Variants in LARS1 observed in about 807,000 individuals in gnomAD.
LARS1 encodes the protein leucine--tRNA ligase, cytoplasmic.
LARS1 carries 100 observed loss-of-function variants against 162.8 expected under a neutral mutation model. The observed-to-expected ratio is 0.61, with a 90% CI of 0.52 to 0.73. The LOEUF is 0.73. LARS1 is among the 30% of genes least tolerant of loss of function. LARS1 has a pLI of 0.00. For missense variants in LARS1, 1,258 were observed against 1,408.9 expected (o/e 0.89, Z 1.71); for synonymous variants, 457 against 462.8 (o/e 0.99, Z 0.16).
chr5:146,132,530 C>G (rs903055952), intron 23 of LARS1: 1 of 163,506 alleles, frequency 6.1e-6, no homozygotes, highest in Non-Finnish European at 1.3e-5. Flanking sequence ...AACAAGACAA[C>G]ATGGTAAAAT....
At chr5:146,124,805 C>T (rs543993454) in intron 28 of LARS1, among the ~76,000 whole-genome samples, 17 of 151,938 alleles carry the variant, frequency 1.1e-4, no homozygotes, top group African/African-American at 4.1e-4. Context: ...ATTTCTTTTT[C>T]TCATGGAAGT....
chr5:146,180,027 AT>A, intron 1 of LARS1, among the ~76,000 whole-genome samples: 2 of 152,350 alleles, frequency 1.3e-5, no homozygotes, highest in East Asian at 3.9e-4. Flanking sequence ...GAACTTTTAA[AT>A]TGTTTATAGT....
intron 1 of LARS1, 62 bp downstream of exon 1, chr5:146,182,426 G>C (rs1278369267): frequency 1.1e-5 from 17 of 1,604,196 alleles, no homozygotes; most frequent in Non-Finnish European, 1.5e-5. Flanking sequence ...CACATGGAGA[G>C]CCCCTAGAGA....
chr5:146,181,584 C>A (rs2126621471), intron 1 of LARS1, among the ~76,000 whole-genome samples: 1 of 151,780 alleles, frequency 6.6e-6, no homozygotes, highest in East Asian at 1.9e-4. Flanking sequence ...GCCCTAAGGT[C>A]CAGGCTGCAG....
At chr5:146,161,625 T>A (rs937015318) in intron 6 of LARS1, among the ~76,000 whole-genome samples, 3 of 152,006 alleles carry the variant, frequency 2.0e-5, no homozygotes, top group African/African-American at 7.2e-5. Flanking sequence ...TAGTGGCGCA[T>A]GCCTGTAATC....
At chr5:146,143,595 A>G in intron 18 of LARS1, 45 bp from the exon 19 acceptor site, 2 of 1,585,822 alleles carry the variant, frequency 1.3e-6, no homozygotes, top group Non-Finnish European at 1.7e-6. Flanking sequence ...GAGACATTTC[A>G]TCTATAGAAT....
intron 2 of LARS1, 55 bp from the exon 3 acceptor site, chr5:146,172,829 T>TA: frequency 4.2e-6 from 4 of 941,590 alleles, no homozygotes; most frequent in Non-Finnish European, 6.2e-6. Context: ...TTAAGTTCCT[T>TA]TTACAATAAG....
At chr5:146,137,141 A>G (rs1581028786) in intron 21 of LARS1, among the ~76,000 whole-genome samples, 1 of 151,814 alleles carries the variant, frequency 6.6e-6, no homozygotes, top group African/African-American at 2.4e-5. Flanking sequence ...CAGGTGATCC[A>G]CCCGCCTTGG....
chr5:146,167,626 C>A (rs1461986041), intron 5 of LARS1, among the ~76,000 whole-genome samples: 3 of 151,840 alleles, frequency 2.0e-5, no homozygotes, highest in Non-Finnish European at 4.4e-5. Flanking sequence ...GATCTCCTGA[C>A]CTCGTGATCC....
chr5:146,118,639 AT>A (rs1041714809), intron 31 of LARS1, among the ~76,000 whole-genome samples: 1 of 152,224 alleles, frequency 6.6e-6, no homozygotes, highest in African/African-American at 2.4e-5. Context: ...AAATATGTAC[AT>A]TTATCTGTCA....
intron 30 of LARS1, among the ~76,000 whole-genome samples, chr5:146,121,420 C>A (rs940806464): frequency 4.6e-5 from 7 of 151,988 alleles, no homozygotes; most frequent in African/African-American, 1.7e-4. Flanking sequence ...ACAGAATGTC[C>A]TTCCTCAAGG....
At chr5:146,172,207 T>C (rs986307720) in intron 3 of LARS1, among the ~76,000 whole-genome samples, 17 of 152,058 alleles carry the variant, frequency 1.1e-4, no homozygotes, top group African/African-American at 3.6e-4. Flanking sequence ...CACATAAAAA[T>C]TAAATATAAA....
At chr5:146,138,905 C>T (rs1752632121) in intron 21 of LARS1, 1 of 303,744 alleles carries the variant, frequency 3.3e-6, no homozygotes, top group Non-Finnish European at 6.7e-6. Context: ...GTAACTCAGG[C>T]CCACGGGAAC....
At chr5:146,141,131 C>A (rs1243242656) in intron 20 of LARS1, among the ~76,000 whole-genome samples, 4 of 152,142 alleles carry the variant, frequency 2.6e-5, no homozygotes, top group Non-Finnish European at 5.9e-5. Flanking sequence ...ACATGTCATT[C>A]ATTCATTCTA....
chr5:146,129,225 T>G (rs1457169473), intron 25 of LARS1, 107 bp from the exon 26 acceptor site: 1 of 969,978 alleles, frequency 1.0e-6, no homozygotes, highest in South Asian at 1.9e-5. Context: ...TGTAATTGTG[T>G]GCTCAGAGTT....
Position 146,153,148 on chromosome 5 carries a change from A to T in LARS1, c.1284+26T>A, listed in dbSNP as rs1753365693. On this transcript the variant is annotated intron_variant, in intron 13 of 31. Transcript: ENST00000394434. Reference sequence around the variant, plus strand: ...TTCTCTGATAAAGAGATGGATGTGAATATTCTGAATTATCTATGTACTCAC... The same window carrying T: ...TTCTCTGATAAAGAGATGGATGTGATTATTCTGAATTATCTATGTACTCAC... The T allele has an allele frequency of 3.2e-6, 5 of 1,543,136 alleles. No homozygotes were observed. In the East Asian group the frequency reaches 1.1e-4, roughly 35 times the overall value.
At chr5:146,156,883 T>C (rs886657662) in intron 10 of LARS1, among the ~76,000 whole-genome samples, 4 of 152,044 alleles carry the variant, frequency 2.6e-5, no homozygotes, top group African/African-American at 9.7e-5. Flanking sequence ...TTAAATCTCT[T>C]GGGGAGGACT....
chr5:146,130,530 A>G (rs1333236311), intron 24 of LARS1: 1 of 196,764 alleles, frequency 5.1e-6, no homozygotes, highest in African/African-American at 2.4e-5. Flanking sequence ...TCCTTATTTA[A>G]CCACAACTCT....
At position 146,129,115 on chromosome 5, in the gene LARS1, C is replaced by G. The variant is rs747220725; in HGVS notation, c.2632G>C (p.Asp878His). The G allele has an allele frequency of 3.2e-6, 5 of 1,572,022 alleles. No individual in the cohort carries two copies. The African/African-American group carries it at 6.9e-5, about 22-fold the overall frequency. Residue 878 changes from aspartate to histidine, a missense_variant, in exon 26 of 32, where the codon GAC (aspartate) becomes CAC (histidine). Coordinates refer to ENST00000394434, the MANE Select transcript of LARS1 (RefSeq NM_020117.11). ...GGCCATGAAGCATTCATAATTGAGTCAGGCTTTTAAAAAAAGAAAAACAAA... is the reference window on the plus strand; with the variant it reads ...GGCCATGAAGCATTCATAATTGAGTGAGGCTTTTAAAAAAAGAAAAACAAA... ...EHIWTLLGKP[D>H]SIMNASWPVA...
Sources: gnomAD v4.1 joint callset for allele counts (sites outside exome capture counted in the v4.1 genomes callset) on GRCh38, gnomAD v4.1.1 for gene constraint, MANE v1.5 for transcripts, NCBI Gene and HGNC (gene_info 2026-07-23, HGNC 2026-07-21) for gene names.